TRMT11: variants seen among roughly 807,000 people sequenced by gnomAD.
The protein encoded by TRMT11 is tRNA methyltransferase 11.
A neutral mutation model predicts 62.8 loss-of-function variants in TRMT11; 53 were observed. That is an observed-to-expected ratio of 0.84 (90% CI 0.68 to 1.06). The LOEUF (loss-of-function observed/expected upper bound fraction) is 1.06. TRMT11 is among the 50% of genes least tolerant of loss of function. TRMT11 has a pLI of 0.00. For missense variants in TRMT11, 556 were observed against 553.4 expected (o/e 1.00, Z -0.05); for synonymous variants, 188 against 190.3 (o/e 0.99, Z 0.10).
At chr6:126,246,306 A>G in the TRMT11 span, among the ~76,000 whole-genome samples, 2 of 152,236 alleles carry the variant, frequency 1.3e-5, no homozygotes, top group Non-Finnish European at 2.9e-5. Context: ...TTTGTGAAAA[A>G]TAATTGGGAA....
At chr6:126,095,527 C>A (rs1777330116) in intron 17 of TRMT11, among the ~76,000 whole-genome samples, 1 of 152,148 alleles carries the variant, frequency 6.6e-6, no homozygotes, top group South Asian at 2.1e-4. Context: ...CCTTCTGATA[C>A]CAATTTGGCT....
At chr6:126,045,251 T>C (rs983947514) in intron 16 of TRMT11, among the ~76,000 whole-genome samples, 5 of 152,130 alleles carry the variant, frequency 3.3e-5, no homozygotes, top group East Asian at 3.8e-4. Flanking sequence ...ATAAAGTTCT[T>C]TGTATGTGAC....
the TRMT11 span, among the ~76,000 whole-genome samples, chr6:126,271,897 A>C: frequency 7.2e-5 from 11 of 152,184 alleles, no homozygotes; most frequent in Non-Finnish European, 1.6e-4. Flanking sequence ...CAGAACCAAG[A>C]AGGTGAAGTG....
intron 1 of TRMT11, among the ~76,000 whole-genome samples, chr6:126,194,948 C>G (rs1012211435): frequency 2.6e-5 from 4 of 151,988 alleles, no homozygotes; most frequent in Non-Finnish European, 5.9e-5. Flanking sequence ...GACCCTATCT[C>G]TATAAAAAAT....
intron 21 of TRMT11, among the ~76,000 whole-genome samples, chr6:126,140,138 C>T (rs1421050513): frequency 6.6e-6 from 1 of 151,856 alleles, no homozygotes; most frequent in Non-Finnish European, 1.5e-5. Context: ...AATACCTTTA[C>T]ATTACTTATT....
chr6:126,243,498 C>T, the TRMT11 span, among the ~76,000 whole-genome samples: 33 of 152,132 alleles, frequency 2.2e-4, no homozygotes, highest in South Asian at 3.7e-3. Flanking sequence ...ATGTTTATTG[C>T]GGCACTATTC....
At chr6:126,240,842 C>T in the TRMT11 span, among the ~76,000 whole-genome samples, 58 of 152,332 alleles carry the variant, frequency 3.8e-4, no homozygotes, top group East Asian at 3.1e-3. Flanking sequence ...CTCCTTGAGC[C>T]GCGGTGGGCT....
At chr6:126,022,946 T>C (rs1000959263) in intron 12 of TRMT11, among the ~76,000 whole-genome samples, 3 of 152,230 alleles carry the variant, frequency 2.0e-5, no homozygotes, top group Non-Finnish European at 4.4e-5. Flanking sequence ...CTCATTCTAT[T>C]TCTGTCATAA....
At chr6:126,253,055 A>G in the TRMT11 span, among the ~76,000 whole-genome samples, 1 of 152,126 alleles carries the variant, frequency 6.6e-6, no homozygotes, top group Non-Finnish European at 1.5e-5. Flanking sequence ...ATACCGTCAA[A>G]TATCTTTAGG....
intron 17 of TRMT11, among the ~76,000 whole-genome samples, chr6:126,074,805 GA>G (rs1388215496): frequency 5.3e-5 from 8 of 151,496 alleles, no homozygotes; most frequent in Non-Finnish European, 1.0e-4. Context: ...AGACTTTAGG[GA>G]AAAAAAGGAA....
At chr6:126,060,919 A>G (rs184792790) in intron 17 of TRMT11, among the ~76,000 whole-genome samples, 151 of 152,356 alleles carry the variant, frequency 9.9e-4, no homozygotes, top group African/African-American at 3.5e-3. Context: ...ATATGGGATC[A>G]CTGGCATGAG....
chr6:126,141,790 T>G (rs1777919916), intron 21 of TRMT11, among the ~76,000 whole-genome samples: 1 of 152,138 alleles, frequency 6.6e-6, no homozygotes. Context: ...TGCTTTTTAT[T>G]CTAAGCGTAA....
intron 17 of TRMT11, among the ~76,000 whole-genome samples, chr6:126,072,900 T>C (rs1214127106): frequency 6.6e-6 from 1 of 152,172 alleles, no homozygotes; most frequent in African/African-American, 2.4e-5. Context: ...ACCATCACAG[T>C]TGGAATTCAG....
intron 21 of TRMT11, among the ~76,000 whole-genome samples, chr6:126,163,264 G>A (rs141104038): frequency 0.033 from 5,033 of 152,112 alleles, 268 homozygotes; most frequent in African/African-American, 0.11. Context: ...AGTTTTTAGC[G>A]TGAAGGGGTG....
intron 17 of TRMT11, among the ~76,000 whole-genome samples, chr6:126,109,375 G>T (rs1431177049): frequency 6.6e-6 from 1 of 152,134 alleles, no homozygotes; most frequent in Non-Finnish European, 1.5e-5. Context: ...AGGGTATATA[G>T]GTCAACTGTC....
intron 1 of TRMT11, among the ~76,000 whole-genome samples, chr6:125,987,391 A>G (rs768103546): frequency 1.3e-5 from 2 of 152,186 alleles, no homozygotes; most frequent in African/African-American, 2.4e-5. Flanking sequence ...GTTCATTATT[A>G]CTGGATCACT....
chr6:126,202,956 G>C (rs988224501), downstream of TRMT11, among the ~76,000 whole-genome samples: 2 of 152,194 alleles, frequency 1.3e-5, no homozygotes, highest in Non-Finnish European at 2.9e-5. Context: ...GTTGGATATA[G>C]ATAGTGGGAA....
chr6:126,074,924 AAAT>A (rs1227077843), intron 17 of TRMT11, among the ~76,000 whole-genome samples: 3 of 152,208 alleles, frequency 2.0e-5, no homozygotes, highest in Non-Finnish European at 2.9e-5. Flanking sequence ...AAGTATATAA[AAAT>A]AATTGATTTT....
At chr6:126,174,381 G>T (rs192075231), upstream of TRMT11, among the ~76,000 whole-genome samples, 2 of 152,154 alleles carry the variant, frequency 1.3e-5, no homozygotes, top group East Asian at 1.9e-4. Context: ...TATGAATTTC[G>T]TATCTGTACT....
Sources: allele counts gnomAD v4.1 joint callset (sites outside exome capture counted in the v4.1 genomes callset), GRCh38; gene constraint gnomAD v4.1.1; transcripts MANE v1.5; gene names NCBI Gene and HGNC (gene_info 2026-07-23, HGNC 2026-07-21).